The following FECH variants were observed in gnomAD, a reference collection of about 807,000 sequenced individuals.
The protein encoded by FECH is ferrochelatase, mitochondrial.
FECH carries 40 observed loss-of-function variants against 56.9 expected under a neutral mutation model. That is an observed-to-expected ratio of 0.70 (90% CI 0.55 to 0.92). The LOEUF is 0.92. Ranked by LOEUF, FECH falls within the 40% of genes least tolerant of loss-of-function variation. The probability of loss-of-function intolerance (pLI) is 0.00; values close to 1 mark genes in which losing one functional copy is unlikely to be tolerated. For missense variants in FECH, 431 were observed against 529.1 expected, an observed-to-expected ratio of 0.81 and a Z score of 1.82; for synonymous variants, 175 against 198.6, an observed-to-expected ratio of 0.88 and a Z score of 1.00.
rs1166591462 is a variant in FECH, at chr18:57,546,939, A to G, written c.*3773T>C. On this transcript the variant is annotated 3_prime_UTR_variant, in exon 11 of 11. Transcript: ENST00000262093. ...CGTGCCACTGTACTCCAGCTTGGGC[A>G]ACAGAGCGAGACTCCATCTCAAAAA... Among the ~76,000 whole-genome samples the G allele has an allele frequency of 2.7e-5, 4 of 150,666 alleles. No individual in the cohort carries two copies. The highest frequency in any genetic ancestry group is 4.9e-5 in the African/African-American group (2 of 40,790).
intron 6 of FECH, among the ~76,000 whole-genome samples, chr18:57,560,380 G>C (rs2050928855): frequency 6.6e-6 from 1 of 152,262 alleles, no homozygotes; most frequent in Non-Finnish European, 1.5e-5. Context: ...GCCAGACGCA[G>C]TGGCTCACGC....
At chr18:57,554,108 A>C in intron 9 of FECH, 152 bp downstream of exon 9, 1 of 855,942 alleles carries the variant, frequency 1.2e-6, no homozygotes, top group Non-Finnish European at 1.9e-6. Flanking sequence ...TGAGATTATT[A>C]CTCAGATGAA....
At chr18:57,557,101 G>T (rs2050878578) in intron 7 of FECH, among the ~76,000 whole-genome samples, 1 of 152,054 alleles carries the variant, frequency 6.6e-6, no homozygotes, top group South Asian at 2.1e-4. Context: ...CTGGAGTGCA[G>T]TTAATAGTAT....
At chr18:57,578,337 T>C (rs1054951200) in intron 2 of FECH, among the ~76,000 whole-genome samples, 2 of 152,264 alleles carry the variant, frequency 1.3e-5, no homozygotes, top group East Asian at 1.9e-4. Context: ...CATGATCATA[T>C]AGCAAAAAAC....
chr18:57,586,548 A>C lies in FECH; in HGVS notation c.67+6T>G, dbSNP rs1341699746. The stretch of plus-strand genomic sequence containing the variant: ...CCCTGGCGGCCGCCGCGACAGACCC[A>C]CTTACGCGGATCGCGGAGCAGGACG... On this transcript the variant is annotated splice_donor_region_variant and intron_variant, in intron 1 of 10. Coordinates refer to ENST00000262093, the MANE Select transcript of FECH (RefSeq NM_000140.5). 6 of 1,521,246 alleles carry C rather than the reference A, an allele frequency of 3.9e-6. No individual in the cohort carries two copies. The allele number at this position is 1,521,246 out of a possible 1,614,324, so 94.2% of individuals were successfully genotyped here. A position where few individuals can be genotyped will look rare whatever the true frequency, so the allele number is the denominator to read the frequency against.
At chr18:57,553,342 A>C (rs1171600820) in intron 9 of FECH, among the ~76,000 whole-genome samples, 1 of 152,084 alleles carries the variant, frequency 6.6e-6, no homozygotes, top group African/African-American at 2.4e-5. Context: ...TGGAAATTCA[A>C]ATTCCACGGG....
Position 57,566,432 on chromosome 18 carries a change from G to C in FECH, c.598+15C>G. Reference sequence around the variant, plus strand: ...CACCGTATCTACCTTTCCACTGTCAGAGAGATGCCCTTACCTGTGGTGGAG... The same window carrying C: ...CACCGTATCTACCTTTCCACTGTCACAGAGATGCCCTTACCTGTGGTGGAG... On this transcript the variant is annotated intron_variant, in intron 5 of 10. Transcript: ENST00000262093. 8 of 1,614,110 alleles carry C rather than the reference G, an allele frequency of 5.0e-6. No homozygotes were observed. The highest frequency in any genetic ancestry group is 6.8e-6 in the Non-Finnish European group (8 of 1,179,970).
At chr18:57,552,423 G>T (rs1268812923) in intron 9 of FECH, among the ~76,000 whole-genome samples, 1 of 148,950 alleles carries the variant, frequency 6.7e-6, no homozygotes, top group African/African-American at 2.5e-5. Flanking sequence ...TTTTTTGAGA[G>T]GCAGTCTCAG....
Position 57,544,930 on chromosome 18 carries a change from ACAAGC to A in FECH, c.*5777_*5781del, listed in dbSNP as rs1568138032. Among the ~76,000 whole-genome samples the A allele has an allele frequency of 2.0e-5, 3 of 152,376 alleles. No individual in the cohort carries two copies. Among genetic ancestry groups the A allele is most frequent in the Admixed American group, 2.0e-4 (3 of 15,308 alleles). On this transcript the variant is annotated 3_prime_UTR_variant, in exon 11 of 11. Coordinates refer to ENST00000262093, the MANE Select transcript of FECH (RefSeq NM_000140.5). ...AACTTGAAATTTTAACAATTGGTTC[ACAAGC>A]CAACATGCCATGTGCCTGTGCAATC...
rs201156302 is a variant in FECH, at chr18:57,579,283, G to C, written c.194+790C>G. ...AAGATATATATATATATGTGTGTGT[G>C]TATATATGTGTGTGTGTGTGTGTGT... On this transcript the variant is annotated intron_variant, in intron 2 of 10. Coordinates refer to ENST00000262093, the MANE Select transcript of FECH (RefSeq NM_000140.5). Among the ~76,000 whole-genome samples the C allele has an allele frequency of 7.5e-3, 611 of 81,046 alleles. 2 individuals are homozygous for C. Among genetic ancestry groups the C allele is most frequent in the Middle Eastern group, 0.022 (4 of 182 alleles). The allele number at this position is 81,046 out of a possible 152,430, so 53.2% of individuals were successfully genotyped here.
intron 1 of FECH, among the ~76,000 whole-genome samples, chr18:57,580,577 G>A (rs1188628062): frequency 2.0e-5 from 3 of 152,152 alleles, no homozygotes; most frequent in African/African-American, 2.4e-5. Context: ...AAAAGCCGCC[G>A]ATTTCGGGAG....
chr18:57,576,575 A>G (rs2051188365), intron 2 of FECH, among the ~76,000 whole-genome samples: 1 of 152,230 alleles, frequency 6.6e-6, no homozygotes, highest in Non-Finnish European at 1.5e-5. Flanking sequence ...CCTAAGCCAC[A>G]GACGGTATCA....
Position 57,574,066 on chromosome 18 carries a change from G to A in FECH, c.195-701C>T, listed in dbSNP as rs111757901. On this transcript the variant is annotated intron_variant, in intron 2 of 10. Coordinates refer to ENST00000262093, the MANE Select transcript of FECH (RefSeq NM_000140.5). ...GTCACCCAGGCTGGAGTGCAGTGGT[G>A]CAATCTCAGCTCGCTGCAACCTCCG... Among the ~76,000 whole-genome samples the A allele has an allele frequency of 2.4e-3, 360 of 152,266 alleles. 3 individuals are homozygous for A. Among genetic ancestry groups the A allele is most frequent in the African/African-American group, 8.4e-3 (349 of 41,556 alleles).
intron 2 of FECH, among the ~76,000 whole-genome samples, chr18:57,573,784 T>C (rs948013202): frequency 2.0e-5 from 3 of 152,202 alleles, no homozygotes; most frequent in African/African-American, 4.8e-5. Context: ...CTGGAAAACA[T>C]AGCACCCACC....
rs755165234 is a variant in FECH, at chr18:57,580,053, A to G, written c.194+20T>C. The G allele has an allele frequency of 6.8e-6, 11 of 1,613,702 alleles. No individual in the cohort carries two copies. In the Admixed American group the frequency reaches 1.7e-4, roughly 24 times the overall value. On this transcript the variant is annotated intron_variant, in intron 2 of 10. Coordinates refer to ENST00000262093, the MANE Select transcript of FECH (RefSeq NM_000140.5). ...TCGATAAAGAGAAATTCTTATTTGT[A>G]CCTGATGTTAGACTCATACCTCTTC...
At chr18:57,569,312 A>T (rs901562958) in intron 4 of FECH, among the ~76,000 whole-genome samples, 2 of 152,150 alleles carry the variant, frequency 1.3e-5, no homozygotes, top group Non-Finnish European at 2.9e-5. Flanking sequence ...TAACTGGTCA[A>T]TTCTATGAAA....
At position 57,571,465 on chromosome 18, in the gene FECH, G is replaced by C; in HGVS notation, c.390C>G (p.Ser130=). ...QEQYRRIGGG[S]PIKIWTSKQG... is the part of the protein sequence containing the mutation. ...GCTTGGAAGTCCATATCTTGATGGG[G>C]GATCCGCCTCCAATCCTGCGGTACT... is the stretch of plus-strand genomic sequence containing the variant. The change falls in exon 4 of 11, where the codon TCC becomes TCG. Residue 130 remains serine, a synonymous_variant. Coordinates refer to ENST00000262093, the MANE Select transcript of FECH (RefSeq NM_000140.5). The C allele has an allele frequency of 6.2e-7, 1 of 1,613,930 alleles. No homozygotes were observed. The highest frequency in any genetic ancestry group is 1.1e-5 in the South Asian group (1 of 91,058).
At position 57,586,481 on chromosome 18, in the gene FECH, C is replaced by T. The variant is rs922677289; in HGVS notation, c.67+73G>A. On this transcript the variant is annotated intron_variant, in intron 1 of 10. Transcript: ENST00000262093. ...AATCCCCCGGGCGCGAGGGCCCGGG[C>T]GCCAGCTGCCCGCTCTGCCCACGCC... 10 of 1,463,062 alleles carry T rather than the reference C, an allele frequency of 6.8e-6. No homozygotes were observed. The East Asian group carries it at 1.1e-4, about 16-fold the overall frequency. The allele number at this position is 1,463,062 out of a possible 1,614,324, so 90.6% of individuals were successfully genotyped here.
At position 57,559,150 on chromosome 18, in the gene FECH, T is replaced by G; in HGVS notation, c.799A>C (p.Met267Leu). 6.2e-7 allele frequency: 1 copy of G among 1,603,222 alleles called. No individual in the cohort carries two copies. Residue 267 changes from methionine (M) to leucine (L), a missense_variant, in exon 7 of 11, where the codon ATG becomes CTG. Transcript: ENST00000262093. The stretch of plus-strand genomic sequence containing the variant: ...CAGAAAATGTTCTTACTTACAGACA[T>G]GGGCAGTGAGTGAGCAGAAAACAGA... The part of the protein sequence containing the change: ...VILFSAHSLP[M>L]SVVNRGDPYP...
Sources: allele counts gnomAD v4.1 joint callset (sites outside exome capture counted in the v4.1 genomes callset), GRCh38; gene constraint gnomAD v4.1.1; transcripts MANE v1.5; gene names NCBI Gene and HGNC (gene_info 2026-07-23, HGNC 2026-07-21).